The following UBE4B variants were observed in gnomAD, a reference collection of about 807,000 sequenced individuals.
The protein encoded by UBE4B is ubiquitination factor E4B.
UBE4B carries 27 observed loss-of-function variants against 148.1 expected under a neutral mutation model. That is an observed-to-expected ratio of 0.18 (90% CI 0.13 to 0.25). The LOEUF is 0.25. Ranked by LOEUF, UBE4B falls within the 10% of genes least tolerant of loss-of-function variation. The probability of loss-of-function intolerance (pLI) is 1.00; values close to 1 mark genes in which losing one functional copy is unlikely to be tolerated. For missense variants in UBE4B, 1,170 were observed against 1,662.4 expected (o/e 0.70, Z 5.15); for synonymous variants, 596 against 619.3 (o/e 0.96, Z 0.56).
chr1:10,137,109 A>G lies in UBE4B; in HGVS notation c.2267A>G (p.Glu756Gly). The change falls in exon 17 of 28, where the codon GAG becomes GGG. Residue 756 changes from glutamate to glycine, a missense_variant. Glu to Gly is a moderately conservative substitution (Grantham distance 98, BLOSUM62 -2). Transcript: ENST00000343090. Reference protein sequence around the residue: ...PPFSEPKFPTECFFLTLHAHH... With the variant: ...PPFSEPKFPTGCFFLTLHAHH... ...TTTTCTGAGCCGAAATTCCCTACGG[A>G]GTGCTTCTTTCTCACCCTGCATGCT... 1 of 1,614,046 alleles carries G rather than the reference A, an allele frequency of 6.2e-7. No individual in the cohort carries two copies. The highest frequency in any genetic ancestry group is 8.5e-7 in the Non-Finnish European group (1 of 1,179,996).
chr1:10,132,564 G>C (rs1337752402), intron 15 of UBE4B, 82 bp downstream of exon 15: 3 of 1,174,892 alleles, frequency 2.6e-6, no homozygotes, highest in Non-Finnish European at 3.7e-6. Context: ...ACCAGGCACT[G>C]TTCTAGGAGT....
chr1:10,109,211 G>A (rs539710395), intron 7 of UBE4B, among the ~76,000 whole-genome samples: 2 of 152,040 alleles, frequency 1.3e-5, no homozygotes, highest in East Asian at 1.9e-4. Flanking sequence ...GGAACGGGGG[G>A]GCCGGGGGGA....
At position 10,131,862 on chromosome 1, in the gene UBE4B, A is replaced by T. The variant is rs1645599859; in HGVS notation, c.1912-507A>T. Among the ~76,000 whole-genome samples, 6 of 152,136 alleles carry T rather than the reference A, an allele frequency of 3.9e-5. No homozygotes were observed. In the South Asian group the frequency reaches 1.2e-3, roughly 31 times the overall value. On this transcript the variant is annotated intron_variant, in intron 14 of 27. Coordinates refer to ENST00000343090, the MANE Select transcript of UBE4B (RefSeq NM_001105562.3). Reference sequence around the variant, plus strand: ...CAGCGACTTGGGAGGCTGAGGCAGGAGAATCGCTTGAAACCGGGAGGCGGA... The same window carrying T: ...CAGCGACTTGGGAGGCTGAGGCAGGTGAATCGCTTGAAACCGGGAGGCGGA...
chr1:10,152,349 C>T (rs2101990172), intron 21 of UBE4B, among the ~76,000 whole-genome samples: 1 of 151,806 alleles, frequency 6.6e-6, no homozygotes, highest in East Asian at 1.9e-4. Context: ...CTGGTACAAA[C>T]ATGGTTGTGG....
At chr1:10,083,820 C>A (rs1181074063) in intron 2 of UBE4B, among the ~76,000 whole-genome samples, 1 of 152,140 alleles carries the variant, frequency 6.6e-6, no homozygotes, top group African/African-American at 2.4e-5. Flanking sequence ...ATTGGACTGG[C>A]CTTCGGGCCC....
intron 25 of UBE4B, among the ~76,000 whole-genome samples, chr1:10,174,238 A>T (rs777103674): frequency 2.0e-5 from 3 of 151,978 alleles, no homozygotes; most frequent in Non-Finnish European, 2.9e-5. Context: ...TACTAAAAAT[A>T]CAAAAATTAG....
chr1:10,063,944 G>A (rs1344944286), intron 1 of UBE4B, among the ~76,000 whole-genome samples: 1 of 151,814 alleles, frequency 6.6e-6, no homozygotes, highest in Non-Finnish European at 1.5e-5. Flanking sequence ...ATCTTACCTG[G>A]TTATTCCCCT....
chr1:10,122,839 CAG>C (rs1417232616), intron 10 of UBE4B, among the ~76,000 whole-genome samples: 16 of 152,290 alleles, frequency 1.1e-4, no homozygotes, highest in Admixed American at 2.6e-4. Context: ...CAGAGAATAA[CAG>C]AGGCAATAGC....
At chr1:10,111,130 G>A (rs1205321769) in intron 7 of UBE4B, among the ~76,000 whole-genome samples, 1 of 146,724 alleles carries the variant, frequency 6.8e-6, no homozygotes, top group Non-Finnish European at 1.5e-5. Flanking sequence ...ATCCCCCAGT[G>A]ATTTCCCTTC....
intron 2 of UBE4B, among the ~76,000 whole-genome samples, chr1:10,089,875 T>C (rs1644818482): frequency 1.3e-5 from 2 of 151,948 alleles, no homozygotes; most frequent in South Asian, 4.1e-4. Context: ...AATTTTTTTT[T>C]GTATTTTTAG....
chr1:10,067,910 A>T (rs978174778), intron 1 of UBE4B, among the ~76,000 whole-genome samples: 13 of 150,996 alleles, frequency 8.6e-5, no homozygotes, highest in Admixed American at 2.0e-4. Context: ...TTGTATTTTT[A>T]GTAGAGACAG....
chr1:10,103,513 A>G (rs55678257), intron 5 of UBE4B, among the ~76,000 whole-genome samples: 1,816 of 151,400 alleles, frequency 0.012, 45 homozygotes, highest in Middle Eastern at 0.041. Context: ...GCTGACTGCA[A>G]CTTCTGCCTC....
At chr1:10,175,531 G>A (rs1230337245) in intron 25 of UBE4B, among the ~76,000 whole-genome samples, 2 of 151,692 alleles carry the variant, frequency 1.3e-5, no homozygotes, top group East Asian at 1.9e-4. Flanking sequence ...GGCGCCCGTA[G>A]ACCCAGCTAC....
At chr1:10,061,073 T>TG (rs1644275874) in intron 1 of UBE4B, among the ~76,000 whole-genome samples, 1 of 152,122 alleles carries the variant, frequency 6.6e-6, no homozygotes, top group Non-Finnish European at 1.5e-5. Context: ...TCTGTTTTTT[T>TG]TTTTATCTCA....
In UBE4B at chr1:10,122,026, A is replaced by C. The variant is rs1471691473; in HGVS notation, c.1504A>C (p.Ile502Leu). 1 of 1,613,784 alleles carries C rather than the reference A, an allele frequency of 6.2e-7. No homozygotes were observed. Residue 502 changes from isoleucine (I) to leucine (L), a missense_variant, in exon 10 of 28, where the codon ATT (isoleucine) becomes CTT (leucine). Coordinates refer to ENST00000343090, the MANE Select transcript of UBE4B (RefSeq NM_001105562.3). ...MLCRNLPYGF[I>L]QELVRTTHQD... is the part of the protein sequence containing the mutation. ...GTGTAGGAATCTCCCATATGGCTTC[A>C]TTCAGGAACTGGTGAGAACCACTCA... is the stretch of plus-strand genomic sequence containing the variant.
At chr1:10,081,289 A>G (rs1644675935) in intron 2 of UBE4B, among the ~76,000 whole-genome samples, 1 of 151,378 alleles carries the variant, frequency 6.6e-6, no homozygotes, top group South Asian at 2.1e-4. Context: ...CCAACTCCCG[A>G]TGTCAGATGA....
rs774520660 is a variant in UBE4B, at chr1:10,130,501, T to C, written c.1697T>C (p.Val566Ala). ...FGKTHPVCNL[V>A]ASLRLWLPKS... Reference sequence around the variant, plus strand: ...CTGGCTCTTCCATCTTCTGCCTAGGTTGCTTCTTTGCGGTTGTGGTTGCCG... The same window carrying C: ...CTGGCTCTTCCATCTTCTGCCTAGGCTGCTTCTTTGCGGTTGTGGTTGCCG... The change falls in exon 13 of 28, where the codon GTT becomes GCT. Residue 566 changes from valine to alanine, a missense_variant and splice_region_variant. Physicochemically the swap from Val to Ala is moderately conservative, Grantham distance 64. Transcript: ENST00000343090. 6.2e-7 allele frequency: 1 copy of C among 1,613,736 alleles called. No homozygotes were observed. Among genetic ancestry groups the C allele is most frequent in the East Asian group, 2.2e-5 (1 of 44,902 alleles).
intron 1 of UBE4B, among the ~76,000 whole-genome samples, chr1:10,056,738 G>A (rs919913837): frequency 6.6e-6 from 1 of 152,218 alleles, no homozygotes; most frequent in Non-Finnish European, 1.5e-5. Context: ...TGCTCATTGT[G>A]TAGAGGGCTT....
At chr1:10,153,821 C>T (rs927634053) in intron 21 of UBE4B, among the ~76,000 whole-genome samples, 3 of 151,892 alleles carry the variant, frequency 2.0e-5, no homozygotes, top group East Asian at 3.9e-4. Context: ...CAGTGGCTCA[C>T]GCTGTAATCC....
Sources: gnomAD v4.1 joint callset for allele counts (sites outside exome capture counted in the v4.1 genomes callset) on GRCh38, gnomAD v4.1.1 for gene constraint, MANE v1.5 for transcripts, NCBI Gene and HGNC (gene_info 2026-07-23, HGNC 2026-07-21) for gene names.